Variants in HDAC9 observed in about 807,000 individuals in gnomAD.
HDAC9 encodes MEF-2 interacting transcription repressor (MITR) protein.
Under a neutral mutation model 139.4 loss-of-function variants are expected in HDAC9, and 41 were observed. The ratio of observed to expected loss-of-function variants is 0.29; its 90% CI spans 0.23 to 0.38. HDAC9 has a LOEUF of 0.38. Among genes scored for constraint, HDAC9 ranks in the 10% least tolerant of loss-of-function variants. The pLI, the probability that HDAC9 is intolerant of heterozygous loss-of-function variation, is 1.00. For synonymous variants in HDAC9, 517 were observed against 476.2 expected, an observed-to-expected ratio of 1.09 and a Z score of -1.12; for missense variants, 1,147 against 1,297.0, an observed-to-expected ratio of 0.88 and a Z score of 1.78.
rs56690120 is a variant in HDAC9, at chr7:18,207,539, C to CTTTTTTTTTTTTTTTTTTTTTTTTTTT, written c.25+45208_25+45209insTTTTTTTTTTTTTTTTTTTTTTTTTTT. On this transcript the variant is annotated intron_variant, in intron 2 of 12. Transcript: ENST00000417496. ...CTCTCACCTCATCTGCCCAAGGAGT[C>CTTTTTTTTTTTTTTTTTTTTTTTTTTT]TTTTTTTTTTTTTTTTTTGATTTGA... Among the ~76,000 whole-genome samples, 34 of 53,740 alleles carry CTTTTTTTTTTTTTTTTTTTTTTTTTTT rather than the reference C, an allele frequency of 6.3e-4. 7 individuals are homozygous for CTTTTTTTTTTTTTTTTTTTTTTTTTTT. Among genetic ancestry groups the CTTTTTTTTTTTTTTTTTTTTTTTTTTT allele is most frequent in the Non-Finnish European group, 8.8e-4 (28 of 31,946 alleles). The allele number at this position is 53,740 out of a possible 152,430, so 35.3% of individuals were successfully genotyped here.
chr7:18,785,335 A>G (rs1791618762), intron 16 of HDAC9, among the ~76,000 whole-genome samples: 1 of 152,106 alleles, frequency 6.6e-6, no homozygotes, highest in Non-Finnish European at 1.5e-5. Flanking sequence ...TACCAAAAAA[A>G]AAAACCATGC....
rs757689693 is a variant in HDAC9, at chr7:18,719,331, C to CTTTTTTTTTTTTTTTTTTTTTTTT, written c.1732-8246_1732-8223dup. Reference sequence around the variant, plus strand: ...CTAATTAACCTATTTTTTTCTCTTCCTTTTTTTTTTTTTTTTTTTTTTTTT... The same window carrying CTTTTTTTTTTTTTTTTTTTTTTTT: ...CTAATTAACCTATTTTTTTCTCTTCCTTTTTTTTTTTTTTTTTTTTTTTTTTTTTTTTTTTTTTTTTTTTTTTTT... On this transcript the variant is annotated intron_variant, in intron 12 of 25. Coordinates refer to ENST00000686413, the MANE Select transcript of HDAC9 (RefSeq NM_178425.4). Among the ~76,000 whole-genome samples the CTTTTTTTTTTTTTTTTTTTTTTTT allele has an allele frequency of 5.1e-4, 38 of 73,910 alleles. 2 individuals carry two copies. The highest frequency in any genetic ancestry group is 1.8e-3 in the East Asian group (4 of 2,232). The allele number at this position is 73,910 out of a possible 152,430, so 48.5% of individuals were successfully genotyped here.
intron 1 of HDAC9, among the ~76,000 whole-genome samples, chr7:18,455,368 A>G (rs1554424312): frequency 6.6e-6 from 1 of 151,958 alleles, no homozygotes; most frequent in Admixed American, 6.6e-5. Flanking sequence ...CCTTTTTCTC[A>G]TTTTTTTGTG....
intron 25 of HDAC9, among the ~76,000 whole-genome samples, chr7:18,985,421 G>A (rs1434582604): frequency 2.6e-5 from 4 of 152,068 alleles, no homozygotes; most frequent in Non-Finnish European, 4.4e-5. Flanking sequence ...ATGGCTGCAT[G>A]GTATTCCATG....
chr7:18,093,567 G>A (rs1467922205), intron 1 of HDAC9, among the ~76,000 whole-genome samples: 2 of 152,310 alleles, frequency 1.3e-5, no homozygotes, highest in African/African-American at 2.4e-5. Flanking sequence ...AGAATGGGGA[G>A]TAGAGGCTGT....
At chr7:18,952,617 C>G (rs1782876745) in intron 23 of HDAC9, among the ~76,000 whole-genome samples, 1 of 151,998 alleles carries the variant, frequency 6.6e-6, no homozygotes, top group African/African-American at 2.4e-5. Flanking sequence ...AAGTAGCCCT[C>G]TGAACCTTGT....
intron 1 of HDAC9, among the ~76,000 whole-genome samples, chr7:18,352,899 T>TA (rs1427339295): frequency 1.1e-4 from 17 of 152,112 alleles, no homozygotes; most frequent in African/African-American, 4.1e-4. Context: ...AGCCTCACCA[T>TA]ATAGGGTGTT....
At chr7:18,689,619 A>G (rs564661134) in intron 12 of HDAC9, among the ~76,000 whole-genome samples, 2 of 151,996 alleles carry the variant, frequency 1.3e-5, no homozygotes, top group African/African-American at 2.4e-5. Flanking sequence ...TTTTACAGCA[A>G]TGTTGTTTCT....
At position 18,996,965 on chromosome 7, in the gene HDAC9, A is replaced by G. The variant is rs996612479; in HGVS notation, c.*903A>G. Reference sequence around the variant, plus strand: ...GGTGGTCTTAATTTGTTGCATATCTATCAAGGACTTATTCACTCACCTTTC... The same window carrying G: ...GGTGGTCTTAATTTGTTGCATATCTGTCAAGGACTTATTCACTCACCTTTC... On this transcript the variant is annotated 3_prime_UTR_variant, in exon 26 of 26. Transcript: ENST00000686413. The G allele has an allele frequency of 2.6e-5, 4 of 152,170 alleles. No individual in the cohort carries two copies. The highest frequency in any genetic ancestry group is 9.7e-5 in the African/African-American group (4 of 41,434). The allele number at this position is 152,170 out of a possible 1,614,324, so 9.4% of individuals were successfully genotyped here. A position where few individuals can be genotyped will look rare whatever the true frequency, so the allele number is the denominator to read the frequency against.
intron 2 of HDAC9, among the ~76,000 whole-genome samples, chr7:18,545,138 G>A (rs1000502497): frequency 1.3e-5 from 2 of 152,180 alleles, no homozygotes; most frequent in Non-Finnish European, 2.9e-5. Context: ...CCCAAAGTGT[G>A]TGCTTAGACA....
chr7:18,780,512 C>T (rs1791159818), intron 16 of HDAC9, among the ~76,000 whole-genome samples: 1 of 151,912 alleles, frequency 6.6e-6, no homozygotes, highest in South Asian at 2.1e-4. Context: ...TTGGATGATT[C>T]AGTGAAGAAG....
At chr7:18,343,805 C>T (rs117633744) in intron 1 of HDAC9, among the ~76,000 whole-genome samples, 2,757 of 151,750 alleles carry the variant, frequency 0.018, 41 homozygotes, top group Non-Finnish European at 0.027. Flanking sequence ...TTAGTAAATT[C>T]GCCTTTATAT....
At position 18,300,077 on chromosome 7, in the gene HDAC9, G is replaced by C. The variant is rs538806943; in HGVS notation, c.-42+9562G>C. The stretch of plus-strand genomic sequence containing the variant: ...CTCCCCTTACAGCAGCCTCTCTCTA[G>C]ATCAAGCTTGTCCAACCTGTGGCCT... On this transcript the variant is annotated intron_variant, in intron 1 of 3. Transcript: ENST00000413509. Among the ~76,000 whole-genome samples, 5 of 152,296 alleles carry C rather than the reference G, an allele frequency of 3.3e-5. No homozygotes were observed. In the South Asian group the frequency reaches 1.0e-3, roughly 32 times the overall value.
chr7:18,356,278 C>T (rs1431333), intron 1 of HDAC9, among the ~76,000 whole-genome samples: 1 of 146,942 alleles, frequency 6.8e-6, no homozygotes, highest in Non-Finnish European at 1.5e-5. Flanking sequence ...AAGACAAATT[C>T]TTCCTGCCTG....
intron 2 of HDAC9, among the ~76,000 whole-genome samples, chr7:18,280,787 A>C (rs1017031083): frequency 2.6e-5 from 4 of 151,724 alleles, no homozygotes; most frequent in African/African-American, 9.7e-5. Context: ...AATAAATAAA[A>C]AAGAGGGGAT....
At chr7:18,432,066 GT>G (rs971966859) in intron 1 of HDAC9, among the ~76,000 whole-genome samples, 61 of 152,304 alleles carry the variant, frequency 4.0e-4, no homozygotes, top group Middle Eastern at 3.4e-3. Context: ...TAGCCCAGCT[GT>G]TTAGCCCTAT....
chr7:18,749,508 C>A (rs1788263531), intron 14 of HDAC9, among the ~76,000 whole-genome samples: 1 of 152,060 alleles, frequency 6.6e-6, no homozygotes, highest in South Asian at 2.1e-4. Context: ...TAGATATATG[C>A]CAATTTTGCC....
At chr7:18,515,092 CAGAA>C (rs1046801255) in intron 2 of HDAC9, among the ~76,000 whole-genome samples, 12 of 152,076 alleles carry the variant, frequency 7.9e-5, no homozygotes, top group African/African-American at 2.2e-4. Context: ...AATTTAAAAA[CAGAA>C]AGAGAGATTA....
chr7:18,537,873 A>C (rs548071812), intron 2 of HDAC9, among the ~76,000 whole-genome samples: 6 of 152,346 alleles, frequency 3.9e-5, no homozygotes, highest in African/African-American at 1.4e-4. Context: ...AGTTTTAGCC[A>C]CAAGAGTGAA....
Sources: gnomAD v4.1 joint callset for allele counts (sites outside exome capture counted in the v4.1 genomes callset) on GRCh38, gnomAD v4.1.1 for gene constraint, MANE v1.5 for transcripts, NCBI Gene and HGNC (gene_info 2026-07-23, HGNC 2026-07-21) for gene names.